SLC5A12: variants seen among roughly 807,000 people sequenced by gnomAD.
SLC5A12 encodes sodium-coupled monocarboxylate transporter 2.
A neutral mutation model predicts 72.7 loss-of-function variants in SLC5A12; 46 were observed. The observed-to-expected ratio is 0.63, with a 90% CI of 0.50 to 0.81. The LOEUF (loss-of-function observed/expected upper bound fraction) is 0.81, where lower values mean the gene tolerates loss of function less well. SLC5A12 is among the 30% of genes least tolerant of loss of function. SLC5A12 has a pLI of 0.00. For missense variants in SLC5A12, 683 were observed against 740.7 expected (o/e 0.92, Z 0.90); for synonymous variants, 275 against 264.4 (o/e 1.04, Z -0.39).
chr11:26,716,667 A>G (rs190080122), intron 1 of SLC5A12, among the ~76,000 whole-genome samples: 182 of 152,240 alleles, frequency 1.2e-3, no homozygotes, highest in African/African-American at 4.1e-3. Flanking sequence ...CCCAAATAAC[A>G]TAGAGCCAGC....
intron 6 of SLC5A12, 106 bp downstream of exon 6, chr11:26,703,425 T>TACATAC (rs1855006954): frequency 1.1e-6 from 1 of 882,102 alleles, no homozygotes; most frequent in Non-Finnish European, 1.7e-6. Context: ...CACACATACA[T>TACATAC]ACACACACAC....
rs1854058908 is a variant in SLC5A12 at position 26,668,760 on chromosome 11, A to T, written c.*2342T>A. 1 of 151,978 alleles carries T rather than the reference A, an allele frequency of 6.6e-6. No individual in the cohort carries two copies. The highest frequency in any genetic ancestry group is 1.5e-5 in the Non-Finnish European group (1 of 67,952). 9.4% of individuals were successfully genotyped at this position (151,978 alleles called of 1,614,324 possible). ...AAATCTCTTGAAATGTCATCTCCTA[A>T]TGCCATAAATTTCATTACACAAGAG... is the stretch of plus-strand genomic sequence containing the variant. On this transcript the variant is annotated 3_prime_UTR_variant, in exon 15 of 15. Transcript: ENST00000396005.
At chr11:26,685,491 C>A (rs1854508406) in intron 10 of SLC5A12, among the ~76,000 whole-genome samples, 1 of 151,948 alleles carries the variant, frequency 6.6e-6, no homozygotes, top group Non-Finnish European at 1.5e-5. Flanking sequence ...ACCTGTAATC[C>A]CAGCTACTTG....
At chr11:26,709,504 G>T in intron 3 of SLC5A12, 125 bp from the exon 4 acceptor site, 2 of 670,126 alleles carry the variant, frequency 3.0e-6, no homozygotes, top group Non-Finnish European at 2.5e-6. Context: ...AATCAAATTA[G>T]AGTTTTCCCT....
chr11:26,681,122 G>A lies in SLC5A12; in HGVS notation c.1408C>T (p.Pro470Ser). The change falls in exon 12 of 15, where the codon CCT (proline) becomes TCT (serine). Residue 470 changes from proline (P) to serine (S), a missense_variant. Coordinates refer to ENST00000396005, the MANE Select transcript of SLC5A12 (RefSeq NM_178498.4). Reference protein sequence around the residue: ...PAPASKTWPLPLSTDQCIKSN... With the variant: ...PAPASKTWPLSLSTDQCIKSN... ...TTGATACATTGGTCTGTTGACAGAG[G>A]CAAAGGCCATGTCTTAGAGGCTGGT... The A allele has an allele frequency of 1.2e-6, 2 of 1,611,356 alleles. No individual in the cohort carries two copies. Among genetic ancestry groups the A allele is most frequent in the Non-Finnish European group, 1.7e-6 (2 of 1,178,680 alleles).
At chr11:26,703,233 C>T (rs138961449) in intron 6 of SLC5A12, among the ~76,000 whole-genome samples, 80 of 152,212 alleles carry the variant, frequency 5.3e-4, no homozygotes, top group Middle Eastern at 3.4e-3. Flanking sequence ...TGCATTGCCA[C>T]CCACAGTACC....
intron 10 of SLC5A12, among the ~76,000 whole-genome samples, chr11:26,686,226 T>C (rs1854529163): frequency 1.3e-5 from 2 of 152,202 alleles, no homozygotes; most frequent in African/African-American, 4.8e-5. Context: ...ATTACTAGTT[T>C]TAATCGTTTC....
At chr11:26,720,681 A>G (rs1046514731) in intron 1 of SLC5A12, among the ~76,000 whole-genome samples, 4 of 152,182 alleles carry the variant, frequency 2.6e-5, no homozygotes, top group African/African-American at 9.6e-5. Context: ...TTCTATATAG[A>G]GCATGCAAAT....
At chr11:26,695,358 G>C (rs1395529798) in intron 8 of SLC5A12, among the ~76,000 whole-genome samples, 1 of 151,910 alleles carries the variant, frequency 6.6e-6, no homozygotes, top group East Asian at 1.9e-4. Context: ...GGGACAACTT[G>C]GTTACTAGTT....
At chr11:26,711,400 C>T (rs778272454) in intron 2 of SLC5A12, 42 bp from the exon 3 acceptor site, 2 of 1,529,212 alleles carry the variant, frequency 1.3e-6, no homozygotes, top group African/African-American at 2.7e-5. Flanking sequence ...GAGAAAGGGA[C>T]ATAGAAAGGA....
At position 26,667,664 on chromosome 11, in the gene SLC5A12, A is replaced by T. The variant is rs1476970282; in HGVS notation, c.*3438T>A. ...ATAATAAATCATAGTAATGAATTGC[A>T]TCTTTTAGTAATAAACTTGTTTATA... On this transcript the variant is annotated 3_prime_UTR_variant, in exon 15 of 15. Coordinates refer to ENST00000396005, the MANE Select transcript of SLC5A12 (RefSeq NM_178498.4). The T allele has an allele frequency of 1.3e-5, 2 of 151,750 alleles. No homozygotes were observed. Among genetic ancestry groups the T allele is most frequent in the African/African-American group, 4.8e-5 (2 of 41,374 alleles). The allele number at this position is 151,750 out of a possible 1,614,324, so 9.4% of individuals were successfully genotyped here.
At chr11:26,703,183 T>C (rs1854999609) in intron 6 of SLC5A12, among the ~76,000 whole-genome samples, 2 of 152,162 alleles carry the variant, frequency 1.3e-5, no homozygotes, top group African/African-American at 2.4e-5. Context: ...AAAGACCACA[T>C]GCTAAATCAA....
chr11:26,720,348 AATAAGTAAATAAATAC>A (rs1384003641), intron 1 of SLC5A12, among the ~76,000 whole-genome samples: 1 of 151,598 alleles, frequency 6.6e-6, no homozygotes, highest in East Asian at 1.9e-4. Flanking sequence ...TAAATAAATA[AATAAGTAAATAAATAC>A]ATGGAAAAAA....
intron 4 of SLC5A12, among the ~76,000 whole-genome samples, chr11:26,704,868 G>A (rs1366052546): frequency 2.0e-5 from 3 of 152,046 alleles, no homozygotes; most frequent in Admixed American, 6.6e-5. Flanking sequence ...AACTGAGATG[G>A]TAGAATATCA....
At chr11:26,675,449 C>A (rs1241960929) in intron 13 of SLC5A12, among the ~76,000 whole-genome samples, 1 of 152,118 alleles carries the variant, frequency 6.6e-6, no homozygotes, top group Non-Finnish European at 1.5e-5. Flanking sequence ...CTTTCATGAG[C>A]AAGACCTTGG....
chr11:26,721,818 A>T lies in SLC5A12; in HGVS notation c.-104T>A. The T allele has an allele frequency of 1.0e-6, 1 of 970,058 alleles. No homozygotes were observed. The highest frequency in any genetic ancestry group is 1.6e-6 in the Non-Finnish European group (1 of 639,412). The allele number at this position is 970,058 out of a possible 1,614,324, so 60.1% of individuals were successfully genotyped here. On this transcript the variant is annotated 5_prime_UTR_variant, in exon 1 of 15. Transcript: ENST00000396005. Reference sequence around the variant, plus strand: ...AGTGGATGCTTTGCTGAGAGGAGAGACTGTGATTCCCTGAAGAAAATGATT... The same window carrying T: ...AGTGGATGCTTTGCTGAGAGGAGAGTCTGTGATTCCCTGAAGAAAATGATT...
chr11:26,704,080 C>T, intron 4 of SLC5A12, 133 bp from the exon 5 acceptor site: 2 of 895,550 alleles, frequency 2.2e-6, no homozygotes, highest in Non-Finnish European at 3.5e-6. Context: ...CTTTTATGTG[C>T]CAAGTACCAT....
chr11:26,678,711 C>T lies in SLC5A12; in HGVS notation c.1579+1G>A, dbSNP rs1854322246. 6.2e-7 allele frequency: 1 copy of T among 1,609,440 alleles called. No homozygotes were observed. Among genetic ancestry groups the T allele is most frequent in the Non-Finnish European group, 8.5e-7 (1 of 1,177,186 alleles). On this transcript the variant is annotated splice_donor_variant, in intron 13 of 14. Coordinates refer to ENST00000396005, the MANE Select transcript of SLC5A12 (RefSeq NM_178498.4). LOFTEE classifies it high-confidence loss of function. ...TCCCAAAGGGAGGAATTATAACCAA[C>T]CTGTTATGAGGCTGATGATTACTCC... is the stretch of plus-strand genomic sequence containing the variant.
chr11:26,692,414 G>T, intron 9 of SLC5A12, 75 bp downstream of exon 9: 1 of 967,438 alleles, frequency 1.0e-6, no homozygotes, highest in African/African-American at 1.6e-5. Flanking sequence ...GTCCTGAATA[G>T]CACATGCAGG....
Sources: allele counts gnomAD v4.1 joint callset (sites outside exome capture counted in the v4.1 genomes callset), GRCh38; gene constraint gnomAD v4.1.1; transcripts MANE v1.5; gene names NCBI Gene and HGNC (gene_info 2026-07-23, HGNC 2026-07-21).